FRMD4B: variants seen among roughly 807,000 people sequenced by gnomAD.
FRMD4B encodes FERM domain-containing protein 4B.
In FRMD4B, 74 loss-of-function variants were observed where a neutral mutation model predicts 141.5. That is an observed-to-expected ratio of 0.52 (90% CI 0.43 to 0.63). The LOEUF is 0.63. Ranked by LOEUF, FRMD4B falls within the 30% of genes least tolerant of loss-of-function variation. The pLI is 0.00. For synonymous variants in FRMD4B, 506 were observed against 467.9 expected (o/e 1.08, Z -1.05); for missense variants, 1,366 against 1,253.4 (o/e 1.09, Z -1.36).
At chr3:69,353,628 G>GGT (rs964418579) in intron 1 of FRMD4B, 111 of 947,788 alleles carry the variant, frequency 1.2e-4, no homozygotes, top group East Asian at 4.6e-4. Flanking sequence ...GCACTTGTGC[G>GGT]GTGTGTGTGT....
At position 69,500,905 on chromosome 3, in the gene FRMD4B, A is replaced by G. The variant is rs565152720; in HGVS notation, c.-129+41301T>C. On this transcript the variant is annotated intron_variant, in intron 1 of 5. Coordinates refer to the FRMD4B transcript ENST00000459638. Reference sequence around the variant, plus strand: ...GTGGGAAAGTCACGCTCTCCACATGACAGCATTAGCATTGTCTCTAAACAT... The same window carrying G: ...GTGGGAAAGTCACGCTCTCCACATGGCAGCATTAGCATTGTCTCTAAACAT... Among the ~76,000 whole-genome samples the G allele has an allele frequency of 2.0e-5, 3 of 152,332 alleles. No individual in the cohort carries two copies. In the East Asian group the frequency reaches 5.8e-4, roughly 29 times the overall value.
chr3:69,316,556 A>T (rs1345700674), intron 1 of FRMD4B, among the ~76,000 whole-genome samples: 1 of 152,118 alleles, frequency 6.6e-6, no homozygotes, highest in Non-Finnish European at 1.5e-5. Context: ...AGGAGGAAAT[A>T]ATTAAGAGAG....
intron 3 of FRMD4B, among the ~76,000 whole-genome samples, chr3:69,305,966 G>T (rs1401155702): frequency 6.6e-6 from 1 of 152,162 alleles, no homozygotes; most frequent in Non-Finnish European, 1.5e-5. Context: ...GGTTACCTCT[G>T]TGGAAGAAAC....
At chr3:69,410,790 G>C (rs1395096283) in intron 2 of FRMD4B, among the ~76,000 whole-genome samples, 1 of 137,766 alleles carries the variant, frequency 7.3e-6, no homozygotes, top group Non-Finnish European at 1.6e-5. Context: ...ACAGGGTCTT[G>C]CTCTGTTGCC....
intron 2 of FRMD4B, among the ~76,000 whole-genome samples, chr3:69,419,698 T>C (rs754212862): frequency 5.3e-5 from 8 of 152,246 alleles, no homozygotes; most frequent in East Asian, 1.9e-4. Flanking sequence ...TAGAAGTGCA[T>C]GGATGGCAAC....
At chr3:69,274,129 C>G (rs1976063) in intron 5 of FRMD4B, among the ~76,000 whole-genome samples, 138,644 of 152,154 alleles carry the variant, frequency 0.91, 63,672 homozygotes, top group Non-Finnish European at 0.97. Context: ...GGTGAGTGTG[C>G]AAAGAGCCTA....
At chr3:69,318,417 G>A (rs1184835611) in intron 1 of FRMD4B, among the ~76,000 whole-genome samples, 1 of 152,120 alleles carries the variant, frequency 6.6e-6, no homozygotes, top group Non-Finnish European at 1.5e-5. Flanking sequence ...AATCACTGAG[G>A]CGCCCATCGA....
intron 2 of FRMD4B, among the ~76,000 whole-genome samples, chr3:69,419,975 G>T (rs1279416540): frequency 2.6e-5 from 4 of 152,190 alleles, no homozygotes; most frequent in African/African-American, 9.6e-5. Context: ...TCCTGCCTCA[G>T]CCTCCGGAGT....
At chr3:69,341,795 T>C (rs983885649) in intron 1 of FRMD4B, among the ~76,000 whole-genome samples, 2 of 152,270 alleles carry the variant, frequency 1.3e-5, no homozygotes. Context: ...GCTTGCCTTT[T>C]TGCCTTTTGC....
Position 69,169,683 on chromosome 3 carries a change from T to A in FRMD4B, c.*2178A>T, listed in dbSNP as rs1020230328. Among the ~76,000 whole-genome samples, 1 of 152,118 alleles carries A rather than the reference T, an allele frequency of 6.6e-6. No homozygotes were observed. Among genetic ancestry groups the A allele is most frequent in the African/African-American group, 2.4e-5 (1 of 41,424 alleles). ...TGAGCTTCCATTTCTATACCTTCTT[T>A]TCCTCTGTGGGAGCCAAGTTATATT... On this transcript the variant is annotated 3_prime_UTR_variant, in exon 23 of 23. Transcript: ENST00000398540.
intron 1 of FRMD4B, among the ~76,000 whole-genome samples, chr3:69,469,495 G>T (rs921182496): frequency 7.9e-5 from 12 of 152,118 alleles, no homozygotes; most frequent in African/African-American, 2.9e-4. Flanking sequence ...TCAGCAATCA[G>T]CAATACTTTG....
At chr3:69,293,307 G>A (rs890191364) in intron 4 of FRMD4B, among the ~76,000 whole-genome samples, 1 of 151,950 alleles carries the variant, frequency 6.6e-6, no homozygotes, top group Non-Finnish European at 1.5e-5. Flanking sequence ...ACTAGGGAGT[G>A]GGAGAGACAT....
Position 69,182,602 on chromosome 3 carries a change from A to G in FRMD4B, c.2035T>C (p.Leu679=), listed in dbSNP as rs371971330. The G allele has an allele frequency of 3.5e-5, 57 of 1,608,404 alleles. No individual in the cohort carries two copies. Among genetic ancestry groups the G allele is most frequent in the Non-Finnish European group, 4.8e-5 (56 of 1,178,552 alleles). ...LTRNAYSSSH[L]EPESSSQHCR... ...ATGAGAAAGAAGCTCTCTTACTCCA[A>G]GTGGCTGCTGCTGTAGGCGTTTCGG... Residue 679 remains leucine, a synonymous_variant, in exon 20 of 23, where the codon TTG becomes CTG. Transcript: ENST00000398540.
intron 16 of FRMD4B, 52 bp downstream of exon 16, chr3:69,194,970 A>G: frequency 6.4e-7 from 1 of 1,551,362 alleles, no homozygotes; most frequent in Non-Finnish European, 8.8e-7. Flanking sequence ...CTACACTCAG[A>G]CAGCTTTCCT....
At chr3:69,453,424 C>A (rs543620760) in intron 1 of FRMD4B, among the ~76,000 whole-genome samples, 1 of 152,148 alleles carries the variant, frequency 6.6e-6, no homozygotes, top group Non-Finnish European at 1.5e-5. Context: ...CCGTGCATAG[C>A]GCCGGGCACC....
At chr3:69,185,974 G>A (rs1394568152) in intron 19 of FRMD4B, among the ~76,000 whole-genome samples, 1 of 151,390 alleles carries the variant, frequency 6.6e-6, no homozygotes, top group African/African-American at 2.4e-5. Context: ...CCTGAAAGGT[G>A]AAGGTTGCAG....
At chr3:69,242,986 C>T (rs2093397480) in intron 7 of FRMD4B, among the ~76,000 whole-genome samples, 1 of 121,862 alleles carries the variant, frequency 8.2e-6, no homozygotes, top group Admixed American at 1.0e-4. Flanking sequence ...GAGAGTGAAA[C>T]TCTGTCTCAA....
chr3:69,256,491 C>T (rs1261646674), intron 5 of FRMD4B, among the ~76,000 whole-genome samples: 1 of 152,090 alleles, frequency 6.6e-6, no homozygotes, highest in African/African-American at 2.4e-5. Flanking sequence ...AGTTGATTTT[C>T]GTATTTTTAG....
At chr3:69,236,627 A>T (rs907852024) in intron 7 of FRMD4B, among the ~76,000 whole-genome samples, 1 of 152,222 alleles carries the variant, frequency 6.6e-6, no homozygotes, top group Non-Finnish European at 1.5e-5. Flanking sequence ...AAACTGCTAC[A>T]GGTGAGAAGT....
Sources: allele counts gnomAD v4.1 joint callset (sites outside exome capture counted in the v4.1 genomes callset), GRCh38; gene constraint gnomAD v4.1.1; transcripts MANE v1.5; gene names NCBI Gene and HGNC (gene_info 2026-07-23, HGNC 2026-07-21).